Variants in PCDHGA3 observed in about 807,000 individuals in gnomAD.
PCDHGA3 encodes protocadherin gamma-A3.
In PCDHGA3, 40 loss-of-function variants were observed where a neutral mutation model predicts 58.5. That is an observed-to-expected ratio of 0.68 (90% CI 0.53 to 0.89). PCDHGA3 has a LOEUF of 0.89. Ranked by LOEUF, PCDHGA3 falls within the 40% of genes least tolerant of loss-of-function variation. The pLI is 0.00. For missense variants in PCDHGA3, 1,223 were observed against 1,195.9 expected, an observed-to-expected ratio of 1.02 and a Z score of -0.33; for synonymous variants, 530 against 525.7, an observed-to-expected ratio of 1.01 and a Z score of -0.11.
intron 1 of PCDHGA3, chr5:141,391,283 A>G (rs2092334879): frequency 6.6e-6 from 1 of 152,120 alleles, no homozygotes; most frequent in African/African-American, 2.4e-5. Context: ...CAAATTGCTG[A>G]AAGAAGGAAA....
intron 1 of PCDHGA3, chr5:141,390,339 C>T: frequency 6.3e-7 from 1 of 1,591,234 alleles, no homozygotes; most frequent in Non-Finnish European, 8.6e-7. Flanking sequence ...TCCATATTCA[C>T]AAGAAAATAT....
intron 1 of PCDHGA3, among the ~76,000 whole-genome samples, chr5:141,474,644 C>G (rs1016496399): frequency 4.6e-5 from 7 of 152,180 alleles, no homozygotes; most frequent in Non-Finnish European, 1.0e-4. Flanking sequence ...CCTATATATC[C>G]TTACTTCTTT....
chr5:141,431,830 C>G lies in PCDHGA3; in HGVS notation c.2425-62977C>G, dbSNP rs1354008481. 1 of 1,614,078 alleles carries G rather than the reference C, an allele frequency of 6.2e-7. No homozygotes were observed. The highest frequency in any genetic ancestry group is 8.5e-7 in the Non-Finnish European group (1 of 1,180,034). The stretch of plus-strand genomic sequence containing the variant: ...TCACCTCTCTCGCCAGCTCGGTTCC[C>G]GAAAACTCTCCCAGAGGGACATTAA... On this transcript the variant is annotated intron_variant, in intron 1 of 3. Coordinates refer to ENST00000253812, the MANE Select transcript of PCDHGA3 (RefSeq NM_018916.4). This position sits in a 1 kb window ranked among gnomAD's most constrained non-coding sequence, Gnocchi z 4.8.
chr5:141,421,235 A>G (rs1375447356), intron 1 of PCDHGA3: 3 of 1,594,470 alleles, frequency 1.9e-6, no homozygotes, highest in East Asian at 2.2e-5. Context: ...GCCATGGCGA[A>G]TCGGCTACAG....
At chr5:141,364,576 C>T (rs1420937059) in intron 1 of PCDHGA3, 1 of 1,614,210 alleles carries the variant, frequency 6.2e-7, no homozygotes. Flanking sequence ...CGCGAAGCGG[C>T]AGCTTGGTCA....
Position 141,489,826 on chromosome 5 carries a change from C to T in PCDHGA3, c.2425-4981C>T, listed in dbSNP as rs1270077118. 1 of 1,614,186 alleles carries T rather than the reference C, an allele frequency of 6.2e-7. No individual in the cohort carries two copies. The highest frequency in any genetic ancestry group is 1.7e-5 in the Admixed American group (1 of 60,028). On this transcript the variant is annotated intron_variant, in intron 1 of 3. Coordinates refer to ENST00000253812, the MANE Select transcript of PCDHGA3 (RefSeq NM_018916.4). The surrounding 1 kb of genome is among the most constrained non-coding windows in gnomAD (Gnocchi z 4.5). ...TGGGAAGCCATTCCCAGAGCTGGTGCTAGAGCAGCAGCTGGATCGTGAAGC... is the reference window on the plus strand; with the variant it reads ...TGGGAAGCCATTCCCAGAGCTGGTGTTAGAGCAGCAGCTGGATCGTGAAGC...
chr5:141,423,195 G>C, intron 1 of PCDHGA3: 14 of 1,613,544 alleles, frequency 8.7e-6, no homozygotes, highest in Non-Finnish European at 1.2e-5. Flanking sequence ...CCCCTCTCTC[G>C]GCCACCGTCA....
At chr5:141,438,765 G>A (rs1012158127) in intron 1 of PCDHGA3, among the ~76,000 whole-genome samples, 5 of 149,658 alleles carry the variant, frequency 3.3e-5, no homozygotes, top group Middle Eastern at 3.4e-3. Context: ...GGGTTCAAGC[G>A]ATTCTCCTGC....
At chr5:141,347,356 T>C (rs771970433) in intron 1 of PCDHGA3, among the ~76,000 whole-genome samples, 1 of 151,926 alleles carries the variant, frequency 6.6e-6, no homozygotes, top group African/African-American at 2.4e-5. Flanking sequence ...GCAATTGCTA[T>C]GTTTCCCAGG....
At chr5:141,415,094 A>G in intron 1 of PCDHGA3, 1 of 1,613,530 alleles carries the variant, frequency 6.2e-7, no homozygotes, top group Non-Finnish European at 8.5e-7. Flanking sequence ...CTGGACAGAG[A>G]CGCGCTCAAG....
chr5:141,510,420 G>A (rs1275392355), intron 3 of PCDHGA3, among the ~76,000 whole-genome samples: 2 of 152,126 alleles, frequency 1.3e-5, no homozygotes, highest in Non-Finnish European at 2.9e-5. Flanking sequence ...TAAAGCCATG[G>A]TTTCATGGCT....
intron 1 of PCDHGA3, chr5:141,370,471 A>G (rs773034189): frequency 3.1e-6 from 5 of 1,613,570 alleles, no homozygotes; most frequent in Non-Finnish European, 4.2e-6. Flanking sequence ...TCTTTGTTAG[A>G]CCAGGCTCTC....
At chr5:141,384,011 T>C in intron 1 of PCDHGA3, 1 of 1,613,766 alleles carries the variant, frequency 6.2e-7, no homozygotes, top group Non-Finnish European at 8.5e-7. Context: ...CTTTTCTACC[T>C]ACAAGACAGA....
intron 1 of PCDHGA3, among the ~76,000 whole-genome samples, chr5:141,433,513 C>T (rs2097615953): frequency 6.6e-6 from 1 of 152,066 alleles, no homozygotes; most frequent in Non-Finnish European, 1.5e-5. Flanking sequence ...GGATTACAGG[C>T]GTGAACCACA....
intron 1 of PCDHGA3, among the ~76,000 whole-genome samples, chr5:141,464,077 C>T (rs891173261): frequency 1.3e-5 from 2 of 151,950 alleles, no homozygotes; most frequent in African/African-American, 4.8e-5. Context: ...CCAGCCTGGC[C>T]AACATGGTGA....
intron 1 of PCDHGA3, chr5:141,414,177 T>G (rs370827396): frequency 1.7e-5 from 28 of 1,607,906 alleles, no homozygotes; most frequent in Non-Finnish European, 2.2e-5. Flanking sequence ...ATCTTGCAAC[T>G]GCAAAAGTGT....
Position 141,345,659 on chromosome 5 carries a change from C to T in PCDHGA3, c.1626C>T (p.Leu542=), listed in dbSNP as rs752231427. 2 of 1,614,240 alleles carry T rather than the reference C, an allele frequency of 1.2e-6. No individual in the cohort carries two copies. The highest frequency in any genetic ancestry group is 1.7e-5 in the Admixed American group (1 of 60,032). The change falls in exon 1 of 4, where the codon CTC becomes CTT. Residue 542 remains leucine (L), a synonymous_variant. Transcript: ENST00000253812. ...VTASDSGNPP[L]SSNVSLNLFV... ...CCAGCGACAGCGGGAACCCTCCACT[C>T]AGCAGCAACGTGTCGCTGAACCTGT...
At chr5:141,350,680 T>C in intron 1 of PCDHGA3, 1 of 1,614,030 alleles carries the variant, frequency 6.2e-7, no homozygotes, top group East Asian at 2.2e-5. Flanking sequence ...TAGAAATTTG[T>C]GAGTCAGCCT....
chr5:141,351,540 C>G, intron 1 of PCDHGA3: 1 of 1,614,024 alleles, frequency 6.2e-7, no homozygotes, highest in Non-Finnish European at 8.5e-7. Context: ...GGCAAACCAG[C>G]CCTTTCCTCC....
Sources: gnomAD v4.1 joint callset for allele counts (sites outside exome capture counted in the v4.1 genomes callset) on GRCh38, gnomAD v4.1.1 for gene constraint, Gnocchi (gnomAD v3.1) non-coding constraint, MANE v1.5 for transcripts, NCBI Gene and HGNC (gene_info 2026-07-23, HGNC 2026-07-21) for gene names.